RBM19: variants seen among roughly 807,000 people sequenced by gnomAD.
The protein encoded by RBM19 is probable RNA-binding protein 19.
Under a neutral mutation model 116.8 loss-of-function variants are expected in RBM19, and 94 were observed. The observed-to-expected ratio is 0.80, with a 90% CI of 0.68 to 0.95. The LOEUF is 0.95. Among genes scored for constraint, RBM19 ranks in the 40% least tolerant of loss-of-function variants. The pLI is 0.00. For synonymous variants in RBM19, 475 were observed against 494.1 expected, an observed-to-expected ratio of 0.96 and a Z score of 0.51; for missense variants, 1,161 against 1,220.7, an observed-to-expected ratio of 0.95 and a Z score of 0.73.
At chr12:113,947,234 G>A (rs1871100933) in intron 11 of RBM19, 100 bp downstream of exon 11, 3 of 1,396,726 alleles carry the variant, frequency 2.1e-6, no homozygotes, top group Non-Finnish European at 2.9e-6. Context: ...GGCCCACAAA[G>A]TGGACGCCCG....
At chr12:113,936,902 G>A (rs1870119649) in intron 16 of RBM19, 105 bp downstream of exon 16, 5 of 1,434,996 alleles carry the variant, frequency 3.5e-6, no homozygotes, top group East Asian at 2.3e-5. Context: ...CATGAACAAA[G>A]AGCTTTAAAC....
At chr12:113,940,258 C>T (rs1220840505) in intron 14 of RBM19, 98 bp from the exon 15 acceptor site, 2 of 1,264,604 alleles carry the variant, frequency 1.6e-6, no homozygotes, top group Non-Finnish European at 2.2e-6. Flanking sequence ...CAAGGCTCTC[C>T]ATTTGGAACC....
chr12:113,831,541 C>T (rs768123940), intron 23 of RBM19, among the ~76,000 whole-genome samples: 1 of 152,198 alleles, frequency 6.6e-6, no homozygotes, highest in Non-Finnish European at 1.5e-5. Context: ...TGAAATTCTC[C>T]TTCTGTCAGT....
intron 22 of RBM19, among the ~76,000 whole-genome samples, chr12:113,847,951 T>C (rs1167089488): frequency 2.0e-5 from 3 of 152,138 alleles, no homozygotes; most frequent in South Asian, 2.1e-4. Flanking sequence ...GAGCTCTTCA[T>C]GGTAAGAGGG....
chr12:113,844,939 G>T, intron 22 of RBM19, 151 bp from the exon 23 acceptor site: 1 of 1,121,002 alleles, frequency 8.9e-7, no homozygotes, highest in Non-Finnish European at 1.2e-6. Flanking sequence ...TTTGGGGAGC[G>T]GTTGGGCACA....
intron 7 of RBM19, among the ~76,000 whole-genome samples, chr12:113,954,254 T>C (rs1227444422): frequency 1.3e-5 from 2 of 152,152 alleles, no homozygotes; most frequent in Non-Finnish European, 1.5e-5. Flanking sequence ...ATGGCAGCAC[T>C]GTACTACAGC....
chr12:113,873,896 G>A (rs1055223002), intron 21 of RBM19, among the ~76,000 whole-genome samples: 21 of 152,202 alleles, frequency 1.4e-4, no homozygotes, highest in Admixed American at 3.9e-4. Flanking sequence ...AGTGGGGAGT[G>A]CTGTGCCCCA....
chr12:113,839,220 A>T (rs1876239535), intron 23 of RBM19, among the ~76,000 whole-genome samples: 1 of 152,234 alleles, frequency 6.6e-6, no homozygotes, highest in East Asian at 1.9e-4. Context: ...CACACAAATG[A>T]ACTGAGTTAT....
At chr12:113,962,778 T>C (rs1872609955) in intron 1 of RBM19, among the ~76,000 whole-genome samples, 1 of 152,198 alleles carries the variant, frequency 6.6e-6, no homozygotes, top group Non-Finnish European at 1.5e-5. Context: ...TGAACAGGCA[T>C]GGTAAGCTAT....
chr12:113,923,835 C>T (rs948576781), intron 18 of RBM19, among the ~76,000 whole-genome samples: 1 of 152,240 alleles, frequency 6.6e-6, no homozygotes, highest in Non-Finnish European at 1.5e-5. Context: ...AGACTGTGTG[C>T]ATGCTGCGGG....
chr12:113,918,996 T>C (rs1395049184), intron 19 of RBM19, among the ~76,000 whole-genome samples: 3 of 152,194 alleles, frequency 2.0e-5, no homozygotes, highest in African/African-American at 7.2e-5. Context: ...CACACAATGA[T>C]GTCCAGAACA....
At chr12:113,824,118 C>T (rs1874653255) in intron 23 of RBM19, among the ~76,000 whole-genome samples, 1 of 152,148 alleles carries the variant, frequency 6.6e-6, no homozygotes, top group African/African-American at 2.4e-5. Context: ...GCCCCACAAG[C>T]ACCTCCTGAT....
At chr12:113,868,672 G>C (rs1313804025) in intron 21 of RBM19, among the ~76,000 whole-genome samples, 1 of 152,194 alleles carries the variant, frequency 6.6e-6, no homozygotes, top group African/African-American at 2.4e-5. Context: ...GTATTCCATG[G>C]AATACAGCTG....
chr12:113,885,429 G>T (rs1205258682), intron 21 of RBM19, among the ~76,000 whole-genome samples: 3 of 152,158 alleles, frequency 2.0e-5, no homozygotes, highest in African/African-American at 7.2e-5. Flanking sequence ...AAACTAAAGA[G>T]ACATGAAAAT....
chr12:113,949,050 G>A lies in RBM19; in HGVS notation c.1073-14C>T. The stretch of plus-strand genomic sequence containing the variant: ...TGTAGCGCCCACCTGCAATGAAGAG[G>A]AGTCAGGGCTCCAGGGGGAGGCCTA... On this transcript the variant is annotated splice_polypyrimidine_tract_variant and intron_variant, in intron 9 of 23. Coordinates refer to ENST00000261741, the MANE Select transcript of RBM19 (RefSeq NM_016196.4). 3 of 1,606,494 alleles carry A rather than the reference G, an allele frequency of 1.9e-6. No individual in the cohort carries two copies. Among genetic ancestry groups the A allele is most frequent in the African/African-American group, 1.3e-5 (1 of 74,844 alleles).
intron 21 of RBM19, among the ~76,000 whole-genome samples, chr12:113,885,643 T>G (rs1880462928): frequency 6.6e-6 from 1 of 152,178 alleles, no homozygotes; most frequent in Non-Finnish European, 1.5e-5. Context: ...CTTTTAGATA[T>G]TTACTGGTGA....
intron 21 of RBM19, among the ~76,000 whole-genome samples, chr12:113,906,227 A>T (rs1017298410): frequency 6.6e-6 from 1 of 152,256 alleles, no homozygotes; most frequent in African/African-American, 2.4e-5. Flanking sequence ...GCTCATTGGT[A>T]AAATGGGTAA....
At chr12:113,929,079 G>A (rs1239052259) in intron 16 of RBM19, among the ~76,000 whole-genome samples, 1 of 152,130 alleles carries the variant, frequency 6.6e-6, no homozygotes. Flanking sequence ...CCACGGGCGG[G>A]TACGCTGGAG....
At chr12:113,856,487 G>A (rs1440064453) in intron 22 of RBM19, among the ~76,000 whole-genome samples, 1 of 152,200 alleles carries the variant, frequency 6.6e-6, no homozygotes, top group East Asian at 1.9e-4. Flanking sequence ...GTGTCAACTC[G>A]GCATCAACCT....
Sources: gnomAD v4.1 joint callset for allele counts (sites outside exome capture counted in the v4.1 genomes callset) on GRCh38, gnomAD v4.1.1 for gene constraint, MANE v1.5 for transcripts, NCBI Gene and HGNC (gene_info 2026-07-23, HGNC 2026-07-21) for gene names.